The following EDC3 variants were observed in gnomAD, a reference collection of about 807,000 sequenced individuals.
The protein encoded by EDC3 is enhancer of mRNA-decapping protein 3.
EDC3 carries 20 observed loss-of-function variants against 41.8 expected under a neutral mutation model. The ratio of observed to expected loss-of-function variants is 0.48; its 90% CI spans 0.34 to 0.70. The LOEUF (loss-of-function observed/expected upper bound fraction) is 0.70, where lower values mean the gene tolerates loss of function less well. Among genes scored for constraint, EDC3 ranks in the 30% least tolerant of loss-of-function variants. EDC3 has a pLI of 0.01. For missense variants in EDC3, 444 were observed against 636.8 expected (o/e 0.70, Z 3.26); for synonymous variants, 206 against 243.2 (o/e 0.85, Z 1.42).
chr15:74,645,925 A>G (rs1440333756), intron 4 of EDC3, among the ~76,000 whole-genome samples: 1 of 152,184 alleles, frequency 6.6e-6, no homozygotes, highest in Non-Finnish European at 1.5e-5. Flanking sequence ...GCTTCCAAAT[A>G]TGATTTAAAA....
chr15:74,673,795 G>A (rs917277100), intron 2 of EDC3, among the ~76,000 whole-genome samples: 16 of 149,642 alleles, frequency 1.1e-4, no homozygotes, highest in Non-Finnish European at 1.9e-4. Flanking sequence ...AGCCAAGATC[G>A]TGCCACTGCA....
At chr15:74,689,992 T>TA (rs375406522) in intron 1 of EDC3, among the ~76,000 whole-genome samples, 8 of 151,038 alleles carry the variant, frequency 5.3e-5, no homozygotes, top group African/African-American at 7.3e-5. Context: ...TGATGTACAA[T>TA]AAAAAAAAAT....
chr15:74,672,837 T>A (rs1179991479), intron 2 of EDC3, among the ~76,000 whole-genome samples: 1 of 151,942 alleles, frequency 6.6e-6, no homozygotes, highest in Non-Finnish European at 1.5e-5. Flanking sequence ...TTTTTTTTTT[T>A]AAGTGTTAAA....
chr15:74,648,817 G>A (rs1287414980), intron 4 of EDC3, among the ~76,000 whole-genome samples: 1 of 152,206 alleles, frequency 6.6e-6, no homozygotes, highest in African/African-American at 2.4e-5. Flanking sequence ...GAGGACAGAA[G>A]AGGGCTGCAC....
At chr15:74,633,249 TC>T (rs1244160567) in intron 6 of EDC3, among the ~76,000 whole-genome samples, 1 of 152,172 alleles carries the variant, frequency 6.6e-6, no homozygotes, top group African/African-American at 2.4e-5. Flanking sequence ...AGCCCTCACC[TC>T]CTCTGCCTTC....
intron 1 of EDC3, among the ~76,000 whole-genome samples, chr15:74,684,632 A>C (rs1251950452): frequency 3.4e-5 from 5 of 147,164 alleles, no homozygotes; most frequent in African/African-American, 5.1e-5. Flanking sequence ...AAAAAAAAAA[A>C]CCCAGAAAGT....
chr15:74,691,826 T>G (rs190999111), intron 1 of EDC3, among the ~76,000 whole-genome samples: 20 of 152,116 alleles, frequency 1.3e-4, no homozygotes, highest in South Asian at 6.2e-4. Context: ...TGGGTTTTTT[T>G]GGGTTTTTTT....
intron 4 of EDC3, 101 bp from the exon 5 acceptor site, chr15:74,640,720 A>G (rs1312291381): frequency 6.9e-7 from 1 of 1,457,232 alleles, no homozygotes; most frequent in Non-Finnish European, 9.4e-7. Context: ...ACATTTTACC[A>G]TGGATCACCC....
At chr15:74,678,662 G>C (rs2062834319) in intron 1 of EDC3, among the ~76,000 whole-genome samples, 1 of 152,190 alleles carries the variant, frequency 6.6e-6, no homozygotes, top group Non-Finnish European at 1.5e-5. Flanking sequence ...GACTGAGGCA[G>C]GTGGATCACT....
rs1413629659 is a variant in EDC3 at position 74,635,195 on chromosome 15, C to G, written c.1192+214G>C. 33 of 697,484 alleles carry G rather than the reference C, an allele frequency of 4.7e-5. 2 individuals are homozygous for G. The South Asian group carries it at 4.9e-4, about 10-fold the overall frequency. The allele number at this position is 697,484 out of a possible 1,614,324, so 43.2% of individuals were successfully genotyped here. A position where few individuals can be genotyped will look rare whatever the true frequency, so the allele number is the denominator to read the frequency against. ...TTCAACGAATATTTGTGGAATGGACCAATGGGTCCCCAGCTCTTCATGTGA... is the reference window on the plus strand; with the variant it reads ...TTCAACGAATATTTGTGGAATGGACGAATGGGTCCCCAGCTCTTCATGTGA... On this transcript the variant is annotated intron_variant, in intron 6 of 6. Coordinates refer to ENST00000315127, the MANE Select transcript of EDC3 (RefSeq NM_025083.5).
Position 74,675,244 on chromosome 15 carries a change from A to G in EDC3, c.-18-102T>C. On this transcript the variant is annotated intron_variant, in intron 1 of 6. Coordinates refer to ENST00000315127, the MANE Select transcript of EDC3 (RefSeq NM_025083.5). ...CTCTGTACCAAGTGTTGGTTAATAA[A>G]ACATATTCTATCACATTGTTAACTG... 8 of 1,095,780 alleles carry G rather than the reference A, an allele frequency of 7.3e-6. No individual in the cohort carries two copies. In the South Asian group the frequency reaches 1.3e-4, roughly 17 times the overall value. 67.9% of individuals were successfully genotyped at this position (1,095,780 alleles called of 1,614,324 possible).
At chr15:74,683,798 C>A (rs763602508) in intron 1 of EDC3, among the ~76,000 whole-genome samples, 6 of 151,912 alleles carry the variant, frequency 3.9e-5, no homozygotes, top group Non-Finnish European at 7.4e-5. Context: ...TCAATAAATG[C>A]AGAAAGATAA....
At chr15:74,654,201 C>G (rs954362497) in intron 4 of EDC3, among the ~76,000 whole-genome samples, 1 of 148,730 alleles carries the variant, frequency 6.7e-6, no homozygotes, top group African/African-American at 2.5e-5. Context: ...TGGCAGTGAG[C>G]AGAGATTGCG....
chr15:74,652,936 T>C (rs1422935546), intron 4 of EDC3, among the ~76,000 whole-genome samples: 2 of 151,998 alleles, frequency 1.3e-5, no homozygotes, highest in East Asian at 3.9e-4. Context: ...TCCCAGCACT[T>C]TGGGAGGCCA....
chr15:74,669,600 G>A (rs2062716843), intron 3 of EDC3, among the ~76,000 whole-genome samples: 1 of 152,060 alleles, frequency 6.6e-6, no homozygotes, highest in African/African-American at 2.4e-5. Context: ...CCTGACACAG[G>A]TGTCACACCA....
intron 4 of EDC3, among the ~76,000 whole-genome samples, chr15:74,648,222 T>C (rs989537102): frequency 3.3e-5 from 5 of 152,176 alleles, no homozygotes; most frequent in Non-Finnish European, 7.4e-5. Flanking sequence ...TGAACACACA[T>C]GCAAAAAAAT....
chr15:74,634,612 C>T (rs1567151379), intron 6 of EDC3, among the ~76,000 whole-genome samples: 1 of 152,176 alleles, frequency 6.6e-6, no homozygotes, highest in South Asian at 2.1e-4. Context: ...ACCTCAGTTA[C>T]TGAGGCCAAA....
chr15:74,632,876 A>G lies in EDC3; in HGVS notation c.1263T>C (p.Asp421=). ...LDCPENVFLR[D]QPWYKAAVAW... is the part of the protein sequence containing the mutation. ...CCACAGCTGCCTTGTACCAGGGTTG[A>G]TCGCGCAGGAAGACGTTCTCAGGGC... is the stretch of plus-strand genomic sequence containing the variant. Residue 421 remains aspartate (D), a synonymous_variant, in exon 7 of 7, where the codon GAT becomes GAC. Coordinates refer to ENST00000315127, the MANE Select transcript of EDC3 (RefSeq NM_025083.5). This position sits in a 1 kb window ranked among gnomAD's most constrained non-coding sequence, Gnocchi z 4.0. The G allele has an allele frequency of 6.2e-7, 1 of 1,614,196 alleles. No homozygotes were observed. The highest frequency in any genetic ancestry group is 8.5e-7 in the Non-Finnish European group (1 of 1,180,022).
chr15:74,680,936 T>C (rs183030401), intron 1 of EDC3, among the ~76,000 whole-genome samples: 1 of 152,238 alleles, frequency 6.6e-6, no homozygotes, highest in African/African-American at 2.4e-5. Context: ...ACAGGATTTG[T>C]ATACTGAAAA....
Sources: allele counts gnomAD v4.1 joint callset (sites outside exome capture counted in the v4.1 genomes callset), GRCh38; gene constraint gnomAD v4.1.1; non-coding constraint Gnocchi (gnomAD v3.1); transcripts MANE v1.5; gene names NCBI Gene and HGNC (gene_info 2026-07-23, HGNC 2026-07-21).